CACNA1E: variants seen among roughly 807,000 people sequenced by gnomAD.
CACNA1E encodes the protein calcium voltage-gated channel subunit alpha1 E, also known as voltage-dependent R-type calcium channel subunit alpha-1E.
CACNA1E carries 40 observed loss-of-function variants against 259.2 expected under a neutral mutation model. The ratio of observed to expected loss-of-function variants is 0.15; its 90% CI spans 0.12 to 0.20. CACNA1E has a LOEUF of 0.20. Ranked by LOEUF, CACNA1E falls within the 10% of genes least tolerant of loss-of-function variation. The pLI, the probability that CACNA1E is intolerant of heterozygous loss-of-function variation, is 1.00. For synonymous variants in CACNA1E, 1,104 were observed against 1,138.5 expected (o/e 0.97, Z 0.61); for missense variants, 1,874 against 3,040.1 (o/e 0.62, Z 9.02).
At chr1:181,777,614 C>T (rs747285067) in intron 38 of CACNA1E, among the ~76,000 whole-genome samples, 5 of 152,186 alleles carry the variant, frequency 3.3e-5, no homozygotes, top group Non-Finnish European at 7.3e-5. Flanking sequence ...GCCAGGCCTG[C>T]GTGTCTTCAG....
At chr1:181,516,343 CCACACACACACACA>C (rs3080529) in intron 3 of CACNA1E, among the ~76,000 whole-genome samples, 2 of 143,330 alleles carry the variant, frequency 1.4e-5, no homozygotes, top group East Asian at 2.1e-4. Context: ...GTGCCAAAGA[CCACACACACACACA>C]CACACACACA....
chr1:181,557,889 C>T (rs1648904116), intron 3 of CACNA1E, among the ~76,000 whole-genome samples: 1 of 152,162 alleles, frequency 6.6e-6, no homozygotes, highest in African/African-American at 2.4e-5. Flanking sequence ...GATTCCAGGC[C>T]TTGAATAAGA....
At chr1:181,614,664 T>C (rs1263774603) in intron 6 of CACNA1E, among the ~76,000 whole-genome samples, 7 of 152,254 alleles carry the variant, frequency 4.6e-5, no homozygotes, top group African/African-American at 1.7e-4. Context: ...ACTGCATCTC[T>C]ACATTTGTTT....
At chr1:181,604,224 G>T (rs933158638) in intron 6 of CACNA1E, among the ~76,000 whole-genome samples, 1 of 152,182 alleles carries the variant, frequency 6.6e-6, no homozygotes, top group Non-Finnish European at 1.5e-5. Context: ...TCTCAGACTG[G>T]GGTCCCACTC....
intron 1 of CACNA1E, among the ~76,000 whole-genome samples, chr1:181,391,735 ATGTGACAGGAGTG>A (rs903093610): frequency 1.3e-5 from 2 of 152,168 alleles, no homozygotes; most frequent in African/African-American, 4.8e-5. Flanking sequence ...GTGGAAACAG[ATGTGACAGGAGTG>A]TGGTGCAGTA....
chr1:181,445,698 T>C (rs1006915518), intron 2 of CACNA1E, among the ~76,000 whole-genome samples: 3 of 152,240 alleles, frequency 2.0e-5, no homozygotes, highest in African/African-American at 4.8e-5. Flanking sequence ...GAGGCAGCAG[T>C]TGGGGAGCAT....
At chr1:181,522,390 C>T (rs576939210) in intron 3 of CACNA1E, among the ~76,000 whole-genome samples, 7 of 152,260 alleles carry the variant, frequency 4.6e-5, no homozygotes, top group Non-Finnish European at 7.4e-5. Flanking sequence ...AGTGTGTGGG[C>T]TTTTATTTTT....
chr1:181,535,986 C>T (rs1233062625), intron 3 of CACNA1E, among the ~76,000 whole-genome samples: 4 of 152,154 alleles, frequency 2.6e-5, no homozygotes, highest in Non-Finnish European at 5.9e-5. Context: ...CATGCCTGGC[C>T]AACATGATTA....
intron 38 of CACNA1E, 94 bp from the exon 39 acceptor site, chr1:181,781,330 TCTG>T: frequency 1.4e-6 from 1 of 692,316 alleles, no homozygotes; most frequent in Non-Finnish European, 2.7e-6. Context: ...TCCTCTCCTA[TCTG>T]TCTGCATCCT....
intron 3 of CACNA1E, among the ~76,000 whole-genome samples, chr1:181,570,320 G>GCTT (rs1650285756): frequency 6.6e-6 from 1 of 152,046 alleles, no homozygotes; most frequent in Non-Finnish European, 1.5e-5. Flanking sequence ...TTGACCACAC[G>GCTT]CTTCTTCTGA....
intron 1 of CACNA1E, among the ~76,000 whole-genome samples, chr1:181,357,199 C>A (rs1351588004): frequency 1.3e-5 from 2 of 152,154 alleles, no homozygotes; most frequent in Non-Finnish European, 2.9e-5. Flanking sequence ...GCTCACTGGT[C>A]TGGGGCAGGT....
chr1:181,395,911 T>G (rs1656649205), intron 1 of CACNA1E, among the ~76,000 whole-genome samples: 1 of 152,212 alleles, frequency 6.6e-6, no homozygotes, highest in Non-Finnish European at 1.5e-5. Flanking sequence ...ACTCAAAAAC[T>G]TAGCAGCTTA....
intron 6 of CACNA1E, among the ~76,000 whole-genome samples, chr1:181,591,808 T>A (rs781165791): frequency 1.3e-5 from 2 of 152,210 alleles, no homozygotes; most frequent in African/African-American, 4.8e-5. Context: ...CCCACCTCAC[T>A]GAGTTGTAGT....
At chr1:181,751,398 G>A (rs1657581683) in intron 26 of CACNA1E, among the ~76,000 whole-genome samples, 1 of 152,186 alleles carries the variant, frequency 6.6e-6, no homozygotes, top group African/African-American at 2.4e-5. Flanking sequence ...CAGTTGAGTG[G>A]CTCTCTGCAG....
intron 7 of CACNA1E, 100 bp from the exon 8 acceptor site, chr1:181,710,854 A>G (rs1572668985): frequency 1.2e-6 from 1 of 822,184 alleles, no homozygotes; most frequent in East Asian, 2.5e-5. Flanking sequence ...GGCTTAATAG[A>G]GGTACTTGCT....
At chr1:181,340,972 C>A (rs934588688) in intron 1 of CACNA1E, among the ~76,000 whole-genome samples, 3 of 152,068 alleles carry the variant, frequency 2.0e-5, no homozygotes, top group Non-Finnish European at 4.4e-5. Flanking sequence ...CTATTTGTGT[C>A]CATTTTGAAG....
intron 27 of CACNA1E, among the ~76,000 whole-genome samples, chr1:181,754,317 G>GAA (rs1657877512): frequency 1.6e-5 from 1 of 62,158 alleles, no homozygotes; most frequent in African/African-American, 3.7e-5. Flanking sequence ...AAGGGTGCCT[G>GAA]TCACTTACAT....
At position 181,633,637 on chromosome 1, in the gene CACNA1E, G is replaced by A. The variant is rs577320864; in HGVS notation, c.952-17701G>A. Among the ~76,000 whole-genome samples, 35 of 152,102 alleles carry A rather than the reference G, an allele frequency of 2.3e-4. No individual in the cohort carries two copies. In the South Asian group the frequency reaches 6.4e-3, roughly 28 times the overall value. The stretch of plus-strand genomic sequence containing the variant: ...CTCCTGAGTAGCTGGGAATATAGGC[G>A]CCTGCCACCACGCCCGGCTCAGTTT... On this transcript the variant is annotated intron_variant, in intron 6 of 47. Coordinates refer to ENST00000367573, the MANE Select transcript of CACNA1E (RefSeq NM_001205293.3).
At position 181,506,568 on chromosome 1, in the gene CACNA1E, A is replaced by C. The variant is rs116178125; in HGVS notation, c.267-3909A>C. ...AGACATGAGCAAAACTCCTGCTTTC[A>C]AGATATAGTTTCTTGATTTAAATAG... On this transcript the variant is annotated intron_variant, in intron 1 of 47. Transcript: ENST00000367573. 5.5e-3 allele frequency among the ~76,000 whole-genome samples: 845 copies of C among 152,322 alleles called. 7 individuals are homozygous for C. Among genetic ancestry groups the C allele is most frequent in the African/African-American group, 0.018 (757 of 41,570 alleles).
Sources: gnomAD v4.1 joint callset for allele counts (sites outside exome capture counted in the v4.1 genomes callset) on GRCh38, gnomAD v4.1.1 for gene constraint, MANE v1.5 for transcripts, NCBI Gene and HGNC (gene_info 2026-07-23, HGNC 2026-07-21) for gene names.